Variants in SLC12A1 observed in about 807,000 individuals in gnomAD.
SLC12A1 encodes the protein solute carrier family 12 member 1.
SLC12A1 carries 89 observed loss-of-function variants against 130.4 expected under a neutral mutation model. That is an observed-to-expected ratio of 0.68 (90% confidence interval 0.58 to 0.81). The LOEUF (loss-of-function observed/expected upper bound fraction) is 0.81. SLC12A1 is among the 40% of genes least tolerant of loss of function. SLC12A1 has a pLI of 0.00. For missense variants in SLC12A1, 1,310 were observed against 1,336.4 expected, an observed-to-expected ratio of 0.98 and a Z score of 0.31; for synonymous variants, 499 against 460.0, an observed-to-expected ratio of 1.08 and a Z score of -1.09.
chr15:48,208,006 A>G lies in SLC12A1; in HGVS notation c.287A>G (p.Tyr96Cys). 1 of 1,613,964 alleles carries G rather than the reference A, an allele frequency of 6.2e-7. No individual in the cohort carries two copies. Among genetic ancestry groups the G allele is most frequent in the Non-Finnish European group, 8.5e-7 (1 of 1,179,892 alleles). Residue 96 changes from tyrosine (Y) to cysteine (C), a missense_variant, in exon 2 of 27, where the codon TAC becomes TGC. Tyr to Cys is a radical substitution (Grantham distance 194). Transcript: ENST00000380993. ...GCTTATGATTCTCACACAAACACAT[A>G]CTATCTACAAACTTTTGGCCACAAC... ...FHAYDSHTNT[Y>C]YLQTFGHNTM...
chr15:48,299,840 G>A (rs1200678706), intron 25 of SLC12A1, among the ~76,000 whole-genome samples: 1 of 152,162 alleles, frequency 6.6e-6, no homozygotes, highest in Non-Finnish European at 1.5e-5. Flanking sequence ...GCCAAATGAA[G>A]TTGGTGATAA....
chr15:48,240,052 TATATATATATATATATATCC>T lies in SLC12A1; in HGVS notation c.1216-1407_1216-1388del, dbSNP rs1567316923. On this transcript the variant is annotated intron_variant, in intron 9 of 26. Coordinates refer to ENST00000380993, the MANE Select transcript of SLC12A1 (RefSeq NM_000338.3). ...ATCCATATATATATATATATATCCATATATATATATATATATATCCATATATATATATATATATCCATATA... is the reference window on the plus strand; with the variant it reads ...ATCCATATATATATATATATATCCATATATATATATATATATATCCATATA... Among the ~76,000 whole-genome samples the T allele has an allele frequency of 6.6e-3, 213 of 32,516 alleles. 1 individual carries two copies. The highest frequency in any genetic ancestry group is 0.019 in the East Asian group (38 of 2,008). 21.3% of individuals were successfully genotyped at this position (32,516 alleles called of 152,430 possible). A position where few individuals can be genotyped will look rare whatever the true frequency, so the allele number is the denominator to read the frequency against.
chr15:48,270,785 T>TACACAC (rs951301077), intron 19 of SLC12A1, among the ~76,000 whole-genome samples: 9 of 12,928 alleles, frequency 7.0e-4, no homozygotes, highest in Non-Finnish European at 1.5e-3. Context: ...TATATATATA[T>TACACAC]ACACACACAC....
intron 2 of SLC12A1, among the ~76,000 whole-genome samples, chr15:48,219,851 G>A (rs1377822649): frequency 6.6e-6 from 1 of 151,884 alleles, no homozygotes; most frequent in Admixed American, 6.6e-5. Flanking sequence ...TCAGGAGCTC[G>A]AGACCAGCCT....
intron 10 of SLC12A1, among the ~76,000 whole-genome samples, chr15:48,243,631 G>A (rs948277716): frequency 9.8e-5 from 15 of 152,334 alleles, no homozygotes; most frequent in African/African-American, 3.6e-4. Flanking sequence ...TCCAGCCTGG[G>A]TGACAGAGCG....
intron 17 of SLC12A1, among the ~76,000 whole-genome samples, chr15:48,263,354 C>T (rs1036443009): frequency 6.6e-6 from 1 of 152,118 alleles, no homozygotes; most frequent in Non-Finnish European, 1.5e-5. Context: ...AAAAGGCTTT[C>T]AGGTTTACAG....
chr15:48,282,882 G>T (rs761647464), intron 20 of SLC12A1, among the ~76,000 whole-genome samples: 3 of 152,128 alleles, frequency 2.0e-5, no homozygotes, highest in Non-Finnish European at 4.4e-5. Flanking sequence ...TCTTCATGGT[G>T]GGAAGCATAT....
At chr15:48,236,701 T>C (rs1567315090) in intron 9 of SLC12A1, among the ~76,000 whole-genome samples, 1 of 152,196 alleles carries the variant, frequency 6.6e-6, no homozygotes, top group Non-Finnish European at 1.5e-5. Context: ...AGCAGAAATA[T>C]GGCATAAAAA....
At chr15:48,286,949 C>T (rs7174204) in intron 21 of SLC12A1, among the ~76,000 whole-genome samples, 9 of 151,938 alleles carry the variant, frequency 5.9e-5, no homozygotes, top group Non-Finnish European at 1.3e-4. Context: ...CCTCAGCGGT[C>T]CCAGGGATGT....
At chr15:48,287,997 C>A in intron 21 of SLC12A1, 46 bp from the exon 22 acceptor site, 1 of 1,579,830 alleles carries the variant, frequency 6.3e-7, no homozygotes, top group South Asian at 1.2e-5. Flanking sequence ...TATTTTGTTT[C>A]TGCCCTCAAA....
At chr15:48,301,506 G>GGGGGGA (rs1566862557) in intron 26 of SLC12A1, 124 bp downstream of exon 26, 24 of 546,566 alleles carry the variant, frequency 4.4e-5, no homozygotes, top group African/African-American at 3.5e-4. Flanking sequence ...TTTTTTTGGG[G>GGGGGGA]GGGGGAACAC....
At chr15:48,229,769 C>G (rs1472948472) in intron 6 of SLC12A1, among the ~76,000 whole-genome samples, 4 of 152,192 alleles carry the variant, frequency 2.6e-5, no homozygotes, top group African/African-American at 7.2e-5. Context: ...AGAAAACTAG[C>G]CATTTCCTAG....
At chr15:48,274,242 A>C (rs1191377014) in intron 19 of SLC12A1, among the ~76,000 whole-genome samples, 1 of 152,160 alleles carries the variant, frequency 6.6e-6, no homozygotes, top group Non-Finnish European at 1.5e-5. Flanking sequence ...TCTGTTCTAA[A>C]TATACCAGTG....
rs1487303391 is a variant in SLC12A1, at chr15:48,240,057, A to T, written c.1216-1458A>T. 2.9e-5 allele frequency among the ~76,000 whole-genome samples: 3 copies of T among 103,758 alleles called. No individual in the cohort carries two copies. In the East Asian group the frequency reaches 1.0e-3, roughly 35 times the overall value. 68.1% of individuals were successfully genotyped at this position (103,758 alleles called of 152,430 possible). The stretch of plus-strand genomic sequence containing the variant: ...TATATATATATATATATCCATATAT[A>T]TATATATATATATCCATATATATAT... On this transcript the variant is annotated intron_variant, in intron 9 of 26. Coordinates refer to ENST00000380993, the MANE Select transcript of SLC12A1 (RefSeq NM_000338.3).
intron 20 of SLC12A1, among the ~76,000 whole-genome samples, chr15:48,279,336 C>G (rs534125042): frequency 1.3e-5 from 2 of 152,144 alleles, no homozygotes; most frequent in African/African-American, 4.8e-5. Context: ...GCTTTTCCAA[C>G]ACAGGCACCA....
Position 48,274,585 on chromosome 15 carries a change from T to A in SLC12A1, c.2417T>A (p.Phe806Tyr), listed in dbSNP as rs1244752864. The change falls in exon 20 of 27, where the codon TTT (phenylalanine) becomes TAT (tyrosine). Residue 806 changes from phenylalanine (F) to tyrosine (Y), a missense_variant. By Grantham distance (22) the Phe-to-Tyr change is conservative (BLOSUM62 3). Coordinates refer to ENST00000380993, the MANE Select transcript of SLC12A1 (RefSeq NM_000338.3). Reference protein sequence around the residue: ...YVGIIHDAFDFEIGVVIVRIS... With the variant: ...YVGIIHDAFDYEIGVVIVRIS... ...TCCTCTTTCAGTGATGCATTTGATTTTGAGATTGGCGTGGTTATAGTCAGA... is the reference window on the plus strand; with the variant it reads ...TCCTCTTTCAGTGATGCATTTGATTATGAGATTGGCGTGGTTATAGTCAGA... 1.2e-6 allele frequency: 2 copies of A among 1,612,692 alleles called. No individual in the cohort carries two copies. Among genetic ancestry groups the A allele is most frequent in the South Asian group, 2.2e-5 (2 of 90,964 alleles).
At chr15:48,281,382 G>A (rs760720652) in intron 20 of SLC12A1, among the ~76,000 whole-genome samples, 2 of 152,200 alleles carry the variant, frequency 1.3e-5, no homozygotes, top group African/African-American at 4.8e-5. Flanking sequence ...AGACATCCAA[G>A]TCACACAGTT....
chr15:48,214,137 C>T (rs1191679394), intron 2 of SLC12A1, among the ~76,000 whole-genome samples: 1 of 151,962 alleles, frequency 6.6e-6, no homozygotes, highest in East Asian at 1.9e-4. Flanking sequence ...GTCCAGTGAC[C>T]AGAAGCCACC....
chr15:48,221,991 T>C (rs2041222393), intron 4 of SLC12A1, among the ~76,000 whole-genome samples: 1 of 152,202 alleles, frequency 6.6e-6, no homozygotes, highest in African/African-American at 2.4e-5. Context: ...AGCTGTAAAT[T>C]GAAAAAATGG....
Sources: allele counts gnomAD v4.1 joint callset (sites outside exome capture counted in the v4.1 genomes callset), GRCh38; gene constraint gnomAD v4.1.1; transcripts MANE v1.5; gene names NCBI Gene and HGNC (gene_info 2026-07-23, HGNC 2026-07-21).